Variants in RARS2 observed in about 807,000 individuals in gnomAD.
The protein encoded by RARS2 is arginyl-tRNA synthetase 2, mitochondrial.
A neutral mutation model predicts 88.5 loss-of-function variants in RARS2; 67 were observed. That is an observed-to-expected ratio of 0.76 (90% CI 0.62 to 0.93). RARS2 has a LOEUF of 0.93. Ranked by LOEUF, RARS2 falls within the 40% of genes least tolerant of loss-of-function variation. The probability of loss-of-function intolerance (pLI) is 0.00; values close to 1 mark genes in which losing one functional copy is unlikely to be tolerated. For synonymous variants in RARS2, 239 were observed against 230.3 expected, an observed-to-expected ratio of 1.04 and a Z score of -0.34; for missense variants, 664 against 684.2, an observed-to-expected ratio of 0.97 and a Z score of 0.33.
Position 87,583,246 on chromosome 6 carries a change from CT to C in RARS2, c.36+6675del, listed in dbSNP as rs557518152. ...GGAGTTGTTGGTACTATTATCACAA[CT>C]TTTTATAAGTCTGAAATTATTTCAA... On this transcript the variant is annotated intron_variant, in intron 1 of 19. Transcript: ENST00000369536. Among the ~76,000 whole-genome samples the C allele has an allele frequency of 2.8e-4, 43 of 152,258 alleles. No individual in the cohort carries two copies. The South Asian group carries it at 8.5e-3, about 30-fold the overall frequency.
In RARS2 at chr6:87,541,938, G is replaced by A; in HGVS notation, c.592C>T (p.Pro198Ser). ...FGYEEKLQSN[P>S]LQHLFEVYVQ... ...CTTACTTCAAAGAGATGCTGTAGAGGATTGGACTGCAGTTTTTCCTCATAG... is the reference window on the plus strand; with the variant it reads ...CTTACTTCAAAGAGATGCTGTAGAGAATTGGACTGCAGTTTTTCCTCATAG... Residue 198 changes from proline (P) to serine (S), a missense_variant, in exon 8 of 20, where the codon CCT becomes TCT. By Grantham distance (74) the Pro-to-Ser change is moderately conservative. Coordinates refer to ENST00000369536, the MANE Select transcript of RARS2 (RefSeq NM_020320.5). The A allele has an allele frequency of 1.2e-6, 2 of 1,613,282 alleles. No individual in the cohort carries two copies. The highest frequency in any genetic ancestry group is 4.5e-5 in the East Asian group (2 of 44,854).
chr6:87,566,040 C>A (rs542099149), intron 2 of RARS2, among the ~76,000 whole-genome samples: 2 of 152,178 alleles, frequency 1.3e-5, no homozygotes, highest in East Asian at 3.8e-4. Flanking sequence ...TGGCCAGGTA[C>A]AGGGGCCCAT....
intron 10 of RARS2, among the ~76,000 whole-genome samples, chr6:87,526,302 A>C (rs561989596): frequency 1.3e-5 from 2 of 152,292 alleles, no homozygotes; most frequent in African/African-American, 4.8e-5. Context: ...GATCACTTGA[A>C]GCCAAGAGTT....
chr6:87,530,031 C>G (rs13193703), intron 9 of RARS2, among the ~76,000 whole-genome samples: 9,385 of 152,190 alleles, frequency 0.062, 346 homozygotes, highest in African/African-American at 0.11. Flanking sequence ...TACTGTTAAA[C>G]TGGAATTAAG....
At chr6:87,537,220 C>T (rs1380310712) in intron 8 of RARS2, among the ~76,000 whole-genome samples, 1 of 152,174 alleles carries the variant, frequency 6.6e-6, no homozygotes, top group African/African-American at 2.4e-5. Context: ...GTTGAAAGTG[C>T]CAAAACTAAA....
At chr6:87,537,629 G>A (rs1385946702) in intron 8 of RARS2, among the ~76,000 whole-genome samples, 10 of 152,146 alleles carry the variant, frequency 6.6e-5, no homozygotes, top group Non-Finnish European at 1.3e-4. Context: ...TGTGGATAAG[G>A]AAGGTAAGGA....
chr6:87,554,802 T>TA (rs1664013037), intron 5 of RARS2, among the ~76,000 whole-genome samples: 2 of 152,104 alleles, frequency 1.3e-5, no homozygotes, highest in South Asian at 4.1e-4. Context: ...CTTAACAGTC[T>TA]ATTAAAGTAA....
intron 16 of RARS2, 177 bp from the exon 17 acceptor site, chr6:87,518,441 A>T (rs1772544037): frequency 7.1e-7 from 1 of 1,409,720 alleles, no homozygotes. Flanking sequence ...AAGATAATAC[A>T]CATAAATGTA....
chr6:87,568,949 C>T lies in RARS2; in HGVS notation c.110+568G>A, dbSNP rs189900960. Among the ~76,000 whole-genome samples the T allele has an allele frequency of 4.6e-3, 702 of 152,232 alleles. 1 individual carries two copies. The highest frequency in any genetic ancestry group is 7.8e-3 in the Non-Finnish European group (533 of 67,994). ...AAGTATTGAAGTTTTCTACCCAAAT[C>T]GTAAACAAGAATCATTTAGGATGAC... On this transcript the variant is annotated intron_variant, in intron 2 of 19. Coordinates refer to ENST00000369536, the MANE Select transcript of RARS2 (RefSeq NM_020320.5).
At position 87,556,652 on chromosome 6, in the gene RARS2, C is replaced by A. The variant is rs563210624; in HGVS notation, c.298-1147G>T. Reference sequence around the variant, plus strand: ...AAATTTTAAAAAAAAATTAACCAGACATGGTGGCATGCGCCTGTAGTCCCA... The same window carrying A: ...AAATTTTAAAAAAAAATTAACCAGAAATGGTGGCATGCGCCTGTAGTCCCA... On this transcript the variant is annotated intron_variant, in intron 4 of 19. Coordinates refer to ENST00000369536, the MANE Select transcript of RARS2 (RefSeq NM_020320.5). 9.9e-5 allele frequency among the ~76,000 whole-genome samples: 15 copies of A among 151,868 alleles called. 1 individual carries two copies. The South Asian group carries it at 2.9e-3, about 30-fold the overall frequency.
chr6:87,534,350 T>C (rs1778495578), intron 8 of RARS2, among the ~76,000 whole-genome samples: 1 of 152,142 alleles, frequency 6.6e-6, no homozygotes, highest in African/African-American at 2.4e-5. Flanking sequence ...AATCTTTTCA[T>C]ATTTAGAATC....
chr6:87,587,965 G>A (rs1422813454), intron 1 of RARS2, among the ~76,000 whole-genome samples: 2 of 151,894 alleles, frequency 1.3e-5, no homozygotes, highest in Non-Finnish European at 2.9e-5. Flanking sequence ...TAGAGATGGG[G>A]GTCTCCCTAT....
At chr6:87,544,384 G>A (rs1252958879) in intron 7 of RARS2, among the ~76,000 whole-genome samples, 3 of 152,218 alleles carry the variant, frequency 2.0e-5, no homozygotes, top group Admixed American at 1.3e-4. Context: ...GACAAGCACT[G>A]TAGATATAAA....
chr6:87,589,857 G>T, intron 1 of RARS2, 65 bp downstream of exon 1: 1 of 1,614,028 alleles, frequency 6.2e-7, no homozygotes, highest in Non-Finnish European at 8.5e-7. Flanking sequence ...CTGGCCCGCA[G>T]CGGTGAAAGG....
chr6:87,555,100 A>AAAATAAAT (rs71018037), intron 5 of RARS2, among the ~76,000 whole-genome samples: 20,445 of 139,366 alleles, frequency 0.15, 1,702 homozygotes, highest in East Asian at 0.26. Context: ...CTCCGTCTCA[A>AAAATAAAT]AAATAAATAA....
intron 4 of RARS2, among the ~76,000 whole-genome samples, chr6:87,559,810 C>T (rs116965441): frequency 0.042 from 6,436 of 152,278 alleles, 196 homozygotes; most frequent in Non-Finnish European, 0.066. Flanking sequence ...TCACCACTCA[C>T]TCACCCAGAG....
chr6:87,519,883 T>C (rs1336368954), intron 13 of RARS2, among the ~76,000 whole-genome samples, 176 bp from the exon 14 acceptor site: 1 of 152,222 alleles, frequency 6.6e-6, no homozygotes, highest in Non-Finnish European at 1.5e-5. Context: ...CAGCTTCACT[T>C]TATAATCACC....
intron 10 of RARS2, among the ~76,000 whole-genome samples, chr6:87,528,735 G>A (rs995478191): frequency 3.9e-5 from 6 of 152,190 alleles, no homozygotes; most frequent in African/African-American, 1.4e-4. Flanking sequence ...GGCAGGGAAT[G>A]GGGAGATGTT....
intron 8 of RARS2, among the ~76,000 whole-genome samples, chr6:87,533,478 C>A (rs1167674473): frequency 2.0e-5 from 3 of 152,134 alleles, no homozygotes; most frequent in African/African-American, 7.2e-5. Context: ...TTGAAGATAT[C>A]TTCCTTTTAA....
Sources: gnomAD v4.1 joint callset for allele counts (sites outside exome capture counted in the v4.1 genomes callset) on GRCh38, gnomAD v4.1.1 for gene constraint, MANE v1.5 for transcripts, NCBI Gene and HGNC (gene_info 2026-07-23, HGNC 2026-07-21) for gene names.